Variants in ZNF117 observed in about 807,000 individuals in gnomAD.
The protein encoded by ZNF117 is Krueppel-related zinc finger protein.
A neutral mutation model predicts 41.2 loss-of-function variants in ZNF117; 37 were observed. The observed-to-expected ratio is 0.90, with a 90% CI of 0.69 to 1.18. ZNF117 has a LOEUF of 1.18. ZNF117 is among the 50% of genes most tolerant of loss of function. ZNF117 has a pLI of 0.00. For synonymous variants in ZNF117, 186 were observed against 186.6 expected (o/e 1.00, Z 0.02); for missense variants, 546 against 557.5 (o/e 0.98, Z 0.21).
At chr7:64,990,166 G>A (rs1386545489) in exon 1 of ZNF117, 1 of 152,142 alleles carries the variant, frequency 6.6e-6, no homozygotes, top group African/African-American at 2.4e-5. Flanking sequence ...ACATACATGT[G>A]GCTGACAAGC....
At chr7:64,979,204 G>A (rs780575987) in exon 3 of ZNF117, 1 of 1,609,852 alleles carries the variant, frequency 6.2e-7, no homozygotes, top group Admixed American at 1.7e-5. Context: ...TGAGTTAGGT[G>A]TGAAAGCATG....
exon 3 of ZNF117, chr7:64,977,610 G>A (rs1430955933): frequency 1.6e-6 from 1 of 626,944 alleles, no homozygotes; most frequent in East Asian, 4.8e-5. Flanking sequence ...AGTAAGAGTT[G>A]ACACTTGGCT....
At chr7:64,983,214 C>T (rs913509832), upstream of ZNF117, among the ~76,000 whole-genome samples, 15 of 152,272 alleles carry the variant, frequency 9.9e-5, no homozygotes, top group East Asian at 1.9e-4. Flanking sequence ...GGTACCTCAA[C>T]GTTACATGTT....
At chr7:64,985,625 T>A (rs1786117630), upstream of ZNF117, among the ~76,000 whole-genome samples, 1 of 151,904 alleles carries the variant, frequency 6.6e-6, no homozygotes, top group South Asian at 2.1e-4. Context: ...AGAGAAAAAA[T>A]ATACATAAAA....
upstream of ZNF117, among the ~76,000 whole-genome samples, chr7:64,986,982 CAATAT>C (rs1191801415): frequency 6.6e-6 from 1 of 152,072 alleles, no homozygotes; most frequent in Non-Finnish European, 1.5e-5. Context: ...CATCTAAAAG[CAATAT>C]AATATACATT....
chr7:64,979,355 A>T lies in ZNF117; in HGVS notation c.216T>A (p.Cys72Ter). Residue 72 changes from cysteine to a stop codon, truncating the protein, a stop_gained, in exon 3 of 3, where the codon TGT becomes TGA. Transcript: ENST00000620222. LOFTEE classifies it high-confidence loss of function. ...ATATTTTGCTCAAGGTAGTTTTCAAACATTGGTTAAGTCCACTATAATCTC... is the reference window on the plus strand; with the variant it reads ...ATATTTTGCTCAAGGTAGTTTTCAATCATTGGTTAAGTCCACTATAATCTC... 2 of 1,596,868 alleles carry T rather than the reference A, an allele frequency of 1.3e-6. No individual in the cohort carries two copies. The highest frequency in any genetic ancestry group is 8.5e-7 in the Non-Finnish European group (1 of 1,172,552).
At chr7:64,987,855 A>G (rs1389483672) in intron 1 of ZNF117, among the ~76,000 whole-genome samples, 1 of 151,788 alleles carries the variant, frequency 6.6e-6, no homozygotes. Context: ...GACCAAAAAA[A>G]TAGAAATAGT....
exon 3 of ZNF117, chr7:64,974,956 C>A (rs1785848337): frequency 6.6e-6 from 1 of 151,708 alleles, no homozygotes; most frequent in Non-Finnish European, 1.5e-5. Flanking sequence ...TAAATATATA[C>A]ACACACTATG....
At chr7:64,976,808 C>A in exon 3 of ZNF117, 1 of 384,976 alleles carries the variant, frequency 2.6e-6, no homozygotes. Context: ...TCACATCTTT[C>A]AGGTTTGTAA....
upstream of ZNF117, among the ~76,000 whole-genome samples, chr7:64,984,939 C>G (rs539546934): frequency 9.9e-5 from 15 of 151,900 alleles, no homozygotes; most frequent in African/African-American, 3.6e-4. Context: ...TACAGGCACG[C>G]GCCACCACGC....
At chr7:64,981,679 G>C (rs1227237558) in intron 1 of ZNF117, among the ~76,000 whole-genome samples, 197 bp from the exon 3 acceptor site, 1 of 152,010 alleles carries the variant, frequency 6.6e-6, no homozygotes, top group Non-Finnish European at 1.5e-5. Context: ...TGGTACTACT[G>C]AATCAAAACA....
At chr7:64,989,500 A>T (rs1386759571) in intron 1 of ZNF117, among the ~76,000 whole-genome samples, 45 of 98,508 alleles carry the variant, frequency 4.6e-4, no homozygotes, top group Admixed American at 1.4e-3. Context: ...TATATATATA[A>T]AACCTGAAAA....
upstream of ZNF117, among the ~76,000 whole-genome samples, chr7:64,986,705 G>A (rs531454670): frequency 5.3e-5 from 8 of 152,228 alleles, no homozygotes; most frequent in African/African-American, 1.9e-4. Flanking sequence ...AAGGATAGGT[G>A]GGTTTGTGTG....
chr7:64,989,146 T>TACACACAC (rs148723682), intron 1 of ZNF117, among the ~76,000 whole-genome samples: 168 of 148,626 alleles, frequency 1.1e-3, no homozygotes, highest in African/African-American at 2.4e-3. Context: ...AGGCAATGTA[T>TACACACAC]ACACACACAC....
At position 64,976,618 on chromosome 7, in the gene ZNF117, TAA is replaced by T. The variant is rs150887914; in HGVS notation, c.*1499_*1500del. The stretch of plus-strand genomic sequence containing the variant: ...TCCTGTGCTATAAGGTGTGAAAAAT[TAA>T]AAGTTTTGCCACATTCTTCACACTT... On this transcript the variant is annotated 3_prime_UTR_variant, in exon 3 of 3. Transcript: ENST00000620222. 2,038 of 263,060 alleles carry T rather than the reference TAA, an allele frequency of 7.7e-3. 36 individuals carry two copies. The highest frequency in any genetic ancestry group is 0.044 in the African/African-American group (1,917 of 43,674). The allele number at this position is 263,060 out of a possible 1,614,324, so 16.3% of individuals were successfully genotyped here. A position where few individuals can be genotyped will look rare whatever the true frequency, so the allele number is the denominator to read the frequency against.
At chr7:64,973,425 G>A (rs1785813789), downstream of ZNF117, 2 of 151,896 alleles carry the variant, frequency 1.3e-5, no homozygotes, top group South Asian at 4.1e-4. Flanking sequence ...TGGGCAATAA[G>A]AGTGAAACTC....
intron 2 of ZNF117, chr7:64,980,647 G>A (rs1786004371): frequency 6.6e-6 from 1 of 151,868 alleles, no homozygotes; most frequent in African/African-American, 2.4e-5. Flanking sequence ...AAAAGTCACA[G>A]ACAAGAGAAT....
intron 2 of ZNF117, chr7:64,980,682 A>G (rs1743029074): frequency 6.6e-6 from 1 of 152,038 alleles, no homozygotes; most frequent in Non-Finnish European, 1.5e-5. Context: ...GATAAAAGTG[A>G]TATGTTATTT....
At chr7:64,985,809 A>C (rs1786120908), upstream of ZNF117, among the ~76,000 whole-genome samples, 1 of 151,838 alleles carries the variant, frequency 6.6e-6, no homozygotes, top group African/African-American at 2.4e-5. Context: ...AGATACAAAA[A>C]ATTAGCCAGG....
Sources: gnomAD v4.1 joint callset for allele counts (sites outside exome capture counted in the v4.1 genomes callset) on GRCh38, gnomAD v4.1.1 for gene constraint, MANE v1.5 for transcripts, NCBI Gene and HGNC (gene_info 2026-07-23, HGNC 2026-07-21) for gene names.